VSTM2L: variants seen among roughly 807,000 people sequenced by gnomAD.
VSTM2L encodes the protein V-set and transmembrane domain containing 2 like.
A neutral mutation model predicts 19.9 loss-of-function variants in VSTM2L; 9 were observed. That is an observed-to-expected ratio of 0.45 (90% CI 0.27 to 0.79). VSTM2L has a LOEUF of 0.79. Among genes scored for constraint, VSTM2L ranks in the 30% least tolerant of loss-of-function variants. The probability of loss-of-function intolerance (pLI) is 0.15; values close to 1 mark genes in which losing one functional copy is unlikely to be tolerated. For synonymous variants in VSTM2L, 127 were observed against 133.8 expected, an observed-to-expected ratio of 0.95 and a Z score of 0.35; for missense variants, 286 against 295.5, an observed-to-expected ratio of 0.97 and a Z score of 0.24.
At position 37,929,148 on chromosome 20, in the gene VSTM2L, AG is replaced by A. The variant is rs547514096; in HGVS notation, c.122-2484del. Among the ~76,000 whole-genome samples, 378 of 152,302 alleles carry A rather than the reference AG, an allele frequency of 2.5e-3. 3 individuals carry two copies. Among genetic ancestry groups the A allele is most frequent in the East Asian group, 0.019 (97 of 5,172 alleles). On this transcript the variant is annotated intron_variant, in intron 1 of 3. Transcript: ENST00000373461. The stretch of plus-strand genomic sequence containing the variant: ...CTCCCTAAGGAAGCGGACTTTGAGC[AG>A]GGTCCTGTGGCAGGAGAGGGAGGGA...
intron 1 of VSTM2L, among the ~76,000 whole-genome samples, chr20:37,911,632 C>T (rs1421812319): frequency 6.6e-6 from 1 of 152,146 alleles, no homozygotes; most frequent in Non-Finnish European, 1.5e-5. Context: ...AGTGGCTCCT[C>T]GGTGACTTCA....
rs767279931 is a variant in VSTM2L, at chr20:37,944,202, A to G, written c.564A>G (p.Pro188=). 1.9e-5 allele frequency: 23 copies of G among 1,227,768 alleles called. No individual in the cohort carries two copies. The highest frequency in any genetic ancestry group is 2.2e-5 in the Non-Finnish European group (21 of 958,414). 76.1% of individuals were successfully genotyped at this position (1,227,768 alleles called of 1,614,324 possible). A position where few individuals can be genotyped will look rare whatever the true frequency, so the allele number is the denominator to read the frequency against. Residue 188 remains proline (P), a synonymous_variant, in exon 4 of 4, where the codon CCA becomes CCG. Coordinates refer to ENST00000373461, the MANE Select transcript of VSTM2L (RefSeq NM_080607.3). ...PAAPAPPPPK[P]GKELRKRSVD... is the part of the protein sequence containing the mutation. ...CGCCCGCCCCGCCGCCCCCCAAGCC[A>G]GGCAAGGAGCTGAGGAAGCGCTCGG...
At position 37,913,390 on chromosome 20, in the gene VSTM2L, G is replaced by A. The variant is rs78815642; in HGVS notation, c.121+9919G>A. On this transcript the variant is annotated intron_variant, in intron 1 of 3. Transcript: ENST00000373461. Reference sequence around the variant, plus strand: ...CAGAGAGCAGTCAGGGCTGGCCTTGGGACATGGGACAAGTCTGTGGCAGGG... The same window carrying A: ...CAGAGAGCAGTCAGGGCTGGCCTTGAGACATGGGACAAGTCTGTGGCAGGG... Among the ~76,000 whole-genome samples, 1,239 of 152,244 alleles carry A rather than the reference G, an allele frequency of 8.1e-3. 24 individuals are homozygous for A. The highest frequency in any genetic ancestry group is 0.027 in the African/African-American group (1,121 of 41,534).
intron 1 of VSTM2L, among the ~76,000 whole-genome samples, chr20:37,925,435 G>C (rs560914412): frequency 6.6e-6 from 1 of 152,118 alleles, no homozygotes; most frequent in Non-Finnish European, 1.5e-5. Context: ...CAAGTCTGTC[G>C]GCAGAAACAG....
At chr20:37,914,274 CTGTG>C (rs763149336) in intron 1 of VSTM2L, among the ~76,000 whole-genome samples, 3 of 139,166 alleles carry the variant, frequency 2.2e-5, no homozygotes, top group African/African-American at 8.2e-5. Flanking sequence ...TGTGTGGTGT[CTGTG>C]TGTATATGTG....
intron 1 of VSTM2L, among the ~76,000 whole-genome samples, chr20:37,920,020 C>T (rs2072841676): frequency 6.6e-6 from 1 of 152,196 alleles, no homozygotes; most frequent in Non-Finnish European, 1.5e-5. Context: ...GCTCCAATGG[C>T]CCCCAGGTTC....
At chr20:37,936,281 C>A (rs1288091272) in intron 3 of VSTM2L, among the ~76,000 whole-genome samples, 1 of 152,108 alleles carries the variant, frequency 6.6e-6, no homozygotes, top group Non-Finnish European at 1.5e-5. Context: ...CCCGGGAAAC[C>A]CAGACCCTGT....
intron 1 of VSTM2L, among the ~76,000 whole-genome samples, chr20:37,924,863 CG>C (rs1383934428): frequency 6.6e-6 from 1 of 152,076 alleles, no homozygotes; most frequent in African/African-American, 2.4e-5. Flanking sequence ...AAGTGGGATG[CG>C]GAAGTGTGGA....
intron 3 of VSTM2L, among the ~76,000 whole-genome samples, chr20:37,939,705 C>T (rs1177736497): frequency 6.6e-6 from 1 of 152,156 alleles, no homozygotes; most frequent in African/African-American, 2.4e-5. Flanking sequence ...CTAGGTTCTC[C>T]GTTAGACTGT....
intron 1 of VSTM2L, among the ~76,000 whole-genome samples, chr20:37,919,862 C>G (rs1034315280): frequency 6.6e-6 from 1 of 152,232 alleles, no homozygotes; most frequent in African/African-American, 2.4e-5. Flanking sequence ...GGCACCGACT[C>G]TCCCTCTCTG....
Position 37,944,420 on chromosome 20 carries a change from G to GCCCCCCCCCC in VSTM2L, c.*171_*172insCCCCCCCCCC. The GCCCCCCCCCC allele has an allele frequency of 8.3e-7, 1 of 1,199,428 alleles. No individual in the cohort carries two copies. Among genetic ancestry groups the GCCCCCCCCCC allele is most frequent in the Non-Finnish European group, 1.1e-6 (1 of 921,448 alleles). The allele number at this position is 1,199,428 out of a possible 1,614,324, so 74.3% of individuals were successfully genotyped here. A position where few individuals can be genotyped will look rare whatever the true frequency, so the allele number is the denominator to read the frequency against. ...CCACCACCCCTTGCTCAGCATGTAA[G>GCCCCCCCCCC]CCCCACCCACCCCTGCCCTTTCAGA... is the stretch of plus-strand genomic sequence containing the variant. On this transcript the variant is annotated 3_prime_UTR_variant, in exon 4 of 4. Transcript: ENST00000373461.
At position 37,923,129 on chromosome 20, in the gene VSTM2L, C is replaced by T. The variant is rs117810975; in HGVS notation, c.122-8506C>T. Among the ~76,000 whole-genome samples the T allele has an allele frequency of 5.8e-4, 88 of 152,200 alleles. No homozygotes were observed. In the East Asian group the frequency reaches 0.015, roughly 27 times the overall value. ...CTCCCCTTTTTCCAGATAAAGGAAC[C>T]GAGGCTCTGAGAAGCAAAGTGGTTT... On this transcript the variant is annotated intron_variant, in intron 1 of 3. Coordinates refer to ENST00000373461, the MANE Select transcript of VSTM2L (RefSeq NM_080607.3).
chr20:37,942,380 G>T (rs1160697797), intron 3 of VSTM2L, among the ~76,000 whole-genome samples: 1 of 152,228 alleles, frequency 6.6e-6, no homozygotes, highest in African/African-American at 2.4e-5. Context: ...TACTGGGGAG[G>T]CTGAGGCATG....
At chr20:37,926,897 GT>G (rs1263383250) in intron 1 of VSTM2L, among the ~76,000 whole-genome samples, 1 of 152,234 alleles carries the variant, frequency 6.6e-6, no homozygotes, top group Non-Finnish European at 1.5e-5. Flanking sequence ...GGACTGAAAG[GT>G]GCCATGAACA....
At chr20:37,930,720 G>A (rs977248866) in intron 1 of VSTM2L, among the ~76,000 whole-genome samples, 2 of 152,056 alleles carry the variant, frequency 1.3e-5, no homozygotes, top group African/African-American at 4.8e-5. Flanking sequence ...CGTATGCCCT[G>A]GGCTGTGGTG....
chr20:37,911,910 A>G (rs1230784461), intron 1 of VSTM2L, among the ~76,000 whole-genome samples: 3 of 149,332 alleles, frequency 2.0e-5, no homozygotes, highest in African/African-American at 7.4e-5. Flanking sequence ...GTGTGTGTGC[A>G]TGTGTGTATG....
chr20:37,914,346 C>T (rs1337392694), intron 1 of VSTM2L, among the ~76,000 whole-genome samples: 14 of 1,468 alleles, frequency 9.5e-3, no homozygotes, highest in Admixed American at 0.019. Context: ...TGTATGTGTG[C>T]ATGTGTGTGG....
At chr20:37,924,049 C>A (rs376966001) in intron 1 of VSTM2L, among the ~76,000 whole-genome samples, 3 of 152,136 alleles carry the variant, frequency 2.0e-5, no homozygotes, top group African/African-American at 7.2e-5. Flanking sequence ...CAAGCCTGGG[C>A]AAGATAGCGA....
At chr20:37,931,450 T>C (rs2072908260) in intron 1 of VSTM2L, among the ~76,000 whole-genome samples, 185 bp from the exon 2 acceptor site, 1 of 152,184 alleles carries the variant, frequency 6.6e-6, no homozygotes, top group African/African-American at 2.4e-5. Context: ...TGGCCTGCCT[T>C]GCTGAGCTTC....
Sources: gnomAD v4.1 joint callset for allele counts (sites outside exome capture counted in the v4.1 genomes callset) on GRCh38, gnomAD v4.1.1 for gene constraint, MANE v1.5 for transcripts, NCBI Gene and HGNC (gene_info 2026-07-23, HGNC 2026-07-21) for gene names.